Variants in ABTB2 observed in about 807,000 individuals in gnomAD.
ABTB2 encodes ankyrin repeat and BTB/POZ domain-containing protein 2.
Under a neutral mutation model 104.1 loss-of-function variants are expected in ABTB2, and 56 were observed. That is an observed-to-expected ratio of 0.54 (90% CI 0.43 to 0.67). The LOEUF (loss-of-function observed/expected upper bound fraction) is 0.67, where lower values mean the gene tolerates loss of function less well. Among genes scored for constraint, ABTB2 ranks in the 30% least tolerant of loss-of-function variants. The pLI, the probability that ABTB2 is intolerant of heterozygous loss-of-function variation, is 0.00. For synonymous variants in ABTB2, 606 were observed against 608.2 expected (o/e 1.00, Z 0.05); for missense variants, 1,279 against 1,407.7 (o/e 0.91, Z 1.46).
intron 1 of ABTB2, among the ~76,000 whole-genome samples, chr11:34,259,918 C>G (rs775299100): frequency 6.6e-6 from 1 of 152,128 alleles, no homozygotes; most frequent in East Asian, 1.9e-4. Flanking sequence ...AATCCTCCTA[C>G]CTTAGCCTCC....
intron 1 of ABTB2, among the ~76,000 whole-genome samples, chr11:34,315,249 GT>G (rs1191546658): frequency 6.6e-6 from 1 of 152,224 alleles, no homozygotes; most frequent in East Asian, 1.9e-4. Flanking sequence ...CACAGAGCAA[GT>G]CTCCTGATTA....
At chr11:34,194,776 G>GT (rs11303390) in intron 3 of ABTB2, among the ~76,000 whole-genome samples, 94 of 146,002 alleles carry the variant, frequency 6.4e-4, no homozygotes, top group East Asian at 1.2e-3. Flanking sequence ...TAAAAATTTG[G>GT]TTTTTTTTTT....
chr11:34,203,821 A>C (rs1853373318), intron 2 of ABTB2, among the ~76,000 whole-genome samples: 1 of 152,236 alleles, frequency 6.6e-6, no homozygotes, highest in Non-Finnish European at 1.5e-5. Flanking sequence ...AGGTGTGCCC[A>C]TGCTGTGTGC....
chr11:34,260,163 T>C (rs903202424), intron 1 of ABTB2, among the ~76,000 whole-genome samples: 8 of 152,300 alleles, frequency 5.3e-5, no homozygotes, highest in African/African-American at 1.9e-4. Context: ...GAATAATTGC[T>C]TTCCTGGGTG....
intron 1 of ABTB2, among the ~76,000 whole-genome samples, chr11:34,299,036 T>C (rs573350686): frequency 4.9e-4 from 75 of 152,354 alleles, no homozygotes; most frequent in Admixed American, 3.3e-3. Flanking sequence ...CTCTGCTCCA[T>C]GCAATGTAGA....
intron 1 of ABTB2, among the ~76,000 whole-genome samples, chr11:34,282,957 G>A (rs367567461): frequency 2.3e-3 from 355 of 151,466 alleles, no homozygotes; most frequent in African/African-American, 8.4e-3. Flanking sequence ...CGCCCAGGCT[G>A]GAGTGCAGTG....
intron 1 of ABTB2, among the ~76,000 whole-genome samples, chr11:34,257,541 A>G (rs1854138878): frequency 6.6e-6 from 1 of 152,226 alleles, no homozygotes; most frequent in South Asian, 2.1e-4. Context: ...AGTAGTCACT[A>G]ACCCACACAA....
In ABTB2 at chr11:34,221,568, T is replaced by C. The variant is rs79882104; in HGVS notation, c.884-16878A>G. ...GCTGTGCCTGTGTCCCTTAGACTAC[T>C]GAGAACAGAGTGGCTCTAGCCAAGT... is the stretch of plus-strand genomic sequence containing the variant. On this transcript the variant is annotated intron_variant, in intron 1 of 16. Coordinates refer to ENST00000435224, the MANE Select transcript of ABTB2 (RefSeq NM_145804.3). 6.2e-3 allele frequency among the ~76,000 whole-genome samples: 942 copies of C among 152,334 alleles called. 12 individuals are homozygous for C. The highest frequency in any genetic ancestry group is 0.021 in the African/African-American group (868 of 41,570).
At chr11:34,214,315 C>T (rs1012955121) in intron 1 of ABTB2, among the ~76,000 whole-genome samples, 1 of 152,084 alleles carries the variant, frequency 6.6e-6, no homozygotes, top group African/African-American at 2.4e-5. Flanking sequence ...CCCTACTATG[C>T]TTTCCAAACT....
At chr11:34,202,221 T>C (rs1188127649) in intron 2 of ABTB2, among the ~76,000 whole-genome samples, 1 of 152,152 alleles carries the variant, frequency 6.6e-6, no homozygotes, top group Non-Finnish European at 1.5e-5. Context: ...GTGGTACTCA[T>C]GGAAGGCCTG....
At chr11:34,162,544 G>A (rs778403955) in intron 10 of ABTB2, 32 bp downstream of exon 10, 26 of 1,601,702 alleles carry the variant, frequency 1.6e-5, no homozygotes, top group East Asian at 2.2e-5. Flanking sequence ...ATGCATGCAT[G>A]GACATGGGTG....
At position 34,169,356 on chromosome 11, in the gene ABTB2, C is replaced by A. The variant is rs192773325; in HGVS notation, c.1564-1364G>T. Among the ~76,000 whole-genome samples the A allele has an allele frequency of 8.5e-5, 13 of 152,274 alleles. No individual in the cohort carries two copies. In the East Asian group the frequency reaches 2.1e-3, roughly 25 times the overall value. ...TCAACAGCAATACGACTACAATAAT[C>A]ATCATATTGGCAATAAAAACCGGAA... On this transcript the variant is annotated intron_variant, in intron 5 of 16. Transcript: ENST00000435224.
Position 34,295,137 on chromosome 11 carries a change from T to C in ABTB2, c.883+61564A>G, listed in dbSNP as rs147200521. On this transcript the variant is annotated intron_variant, in intron 1 of 16. Coordinates refer to ENST00000435224, the MANE Select transcript of ABTB2 (RefSeq NM_145804.3). ...AGTTTGAGGCTGTAGTGAATTATGA[T>C]TGCATCACTGCACTTTCGTCTGGGC... Among the ~76,000 whole-genome samples the C allele has an allele frequency of 8.2e-3, 1,247 of 152,278 alleles. 46 individuals carry two copies. The highest frequency in any genetic ancestry group is 0.067 in the Admixed American group (1,021 of 15,298).
At chr11:34,329,438 C>T (rs763008315) in intron 1 of ABTB2, among the ~76,000 whole-genome samples, 1 of 152,214 alleles carries the variant, frequency 6.6e-6, no homozygotes, top group Non-Finnish European at 1.5e-5. Flanking sequence ...CTCTTCTATC[C>T]ACAGCTGACC....
chr11:34,241,736 C>T (rs1474324670), intron 1 of ABTB2, among the ~76,000 whole-genome samples: 1 of 152,212 alleles, frequency 6.6e-6, no homozygotes, highest in Non-Finnish European at 1.5e-5. Context: ...CAATTTTCTT[C>T]AGAAGTTAAC....
rs945342422 is a variant in ABTB2 at position 34,236,053 on chromosome 11, G to A, written c.884-31363C>T. Among the ~76,000 whole-genome samples the A allele has an allele frequency of 9.8e-5, 15 of 152,290 alleles. No homozygotes were observed. The South Asian group carries it at 2.1e-3, about 21-fold the overall frequency. ...GGGGTGGACAGACATCGTGGACATC[G>A]GGTGCAGGCTGGTGGGTACACCCCT... On this transcript the variant is annotated intron_variant, in intron 1 of 16. Coordinates refer to ENST00000435224, the MANE Select transcript of ABTB2 (RefSeq NM_145804.3).
intron 14 of ABTB2, among the ~76,000 whole-genome samples, chr11:34,156,610 A>C (rs1169109035): frequency 6.8e-6 from 1 of 146,104 alleles, no homozygotes; most frequent in Non-Finnish European, 1.5e-5. Flanking sequence ...CGCAACCTCC[A>C]CCTCCTGGGT....
intron 3 of ABTB2, among the ~76,000 whole-genome samples, chr11:34,180,416 G>A (rs548346998): frequency 6.6e-6 from 1 of 152,274 alleles, no homozygotes; most frequent in East Asian, 1.9e-4. Flanking sequence ...TACTTCAAGG[G>A]ATCAGCAACC....
chr11:34,326,544 C>T (rs1855072638), intron 1 of ABTB2, among the ~76,000 whole-genome samples: 1 of 151,078 alleles, frequency 6.6e-6, no homozygotes, highest in Non-Finnish European at 1.5e-5. Context: ...GTATGAAAAT[C>T]ACTTGAATCT....
Sources: allele counts gnomAD v4.1 joint callset (sites outside exome capture counted in the v4.1 genomes callset), GRCh38; gene constraint gnomAD v4.1.1; transcripts MANE v1.5; gene names NCBI Gene and HGNC (gene_info 2026-07-23, HGNC 2026-07-21).